The following PLCH1 variants were observed in gnomAD, a reference collection of about 807,000 sequenced individuals.
The protein encoded by PLCH1 is phospholipase C eta 1.
PLCH1 carries 60 observed loss-of-function variants against 126.7 expected under a neutral mutation model. The observed-to-expected ratio is 0.47, with a 90% CI of 0.38 to 0.59. The LOEUF is 0.59. PLCH1 is among the 20% of genes least tolerant of loss of function. The probability of loss-of-function intolerance (pLI) is 0.00; values close to 1 mark genes in which losing one functional copy is unlikely to be tolerated. For synonymous variants in PLCH1, 719 were observed against 734.9 expected (o/e 0.98, Z 0.35); for missense variants, 1,723 against 2,040.0 (o/e 0.84, Z 2.99).
At chr3:155,735,942 A>AT (rs1749151811) in intron 1 of PLCH1, among the ~76,000 whole-genome samples, 1 of 152,260 alleles carries the variant, frequency 6.6e-6, no homozygotes, top group East Asian at 1.9e-4. Context: ...GTGGGAGGTA[A>AT]TTTTTCCCTA....
chr3:155,485,414 A>C lies in PLCH1; in HGVS notation c.2916T>G (p.Ala972=). ...SMPVDRNLLG[A]LSLPVSETAK... Reference sequence around the variant, plus strand: ...CTGTTTCAGATACAGGCAGCGACAAAGCTCCCAGAAGGTTTCTGTCAACAG... The same window carrying C: ...CTGTTTCAGATACAGGCAGCGACAACGCTCCCAGAAGGTTTCTGTCAACAG... Residue 972 remains alanine (A), a synonymous_variant, in exon 22 of 23, where the codon GCT becomes GCG. Transcript: ENST00000460012. 9 of 1,610,302 alleles carry C rather than the reference A, an allele frequency of 5.6e-6. No individual in the cohort carries two copies. The highest frequency in any genetic ancestry group is 7.6e-6 in the Non-Finnish European group (9 of 1,176,696).
chr3:155,561,711 T>C (rs1727658817), intron 8 of PLCH1, among the ~76,000 whole-genome samples: 1 of 152,110 alleles, frequency 6.6e-6, no homozygotes, highest in Admixed American at 6.6e-5. Context: ...ATCGCCACAC[T>C]GACTTCCACA....
At chr3:155,660,089 T>G (rs906604898) in intron 2 of PLCH1, among the ~76,000 whole-genome samples, 3 of 152,198 alleles carry the variant, frequency 2.0e-5, no homozygotes, top group African/African-American at 7.2e-5. Flanking sequence ...GCCAGATGTC[T>G]TCTAGAATGG....
intron 8 of PLCH1, among the ~76,000 whole-genome samples, chr3:155,556,645 CT>C (rs1726854534): frequency 6.6e-6 from 1 of 152,174 alleles, no homozygotes; most frequent in Non-Finnish European, 1.5e-5. Flanking sequence ...AATCAGTAGG[CT>C]TTGGGTAAAG....
Position 155,585,403 on chromosome 3 carries a change from C to A in PLCH1, c.600+662G>T, listed in dbSNP as rs149946524. Among the ~76,000 whole-genome samples the A allele has an allele frequency of 4.1e-3, 631 of 152,294 alleles. 1 individual carries two copies. The highest frequency in any genetic ancestry group is 7.1e-3 in the Admixed American group (108 of 15,298). On this transcript the variant is annotated intron_variant, in intron 5 of 22. Coordinates refer to ENST00000460012, the MANE Select transcript of PLCH1 (RefSeq NM_014996.4). ...AATAATAGCCTGTTACAAATTAATA[C>A]TCTAGTAATTTCTAATAGCCTAACA...
intron 2 of PLCH1, among the ~76,000 whole-genome samples, chr3:155,605,140 T>A (rs989054162): frequency 2.0e-5 from 3 of 152,216 alleles, no homozygotes; most frequent in African/African-American, 7.2e-5. Context: ...CATGACCCTG[T>A]GACCCTGTAG....
chr3:155,658,298 G>T, intron 2 of PLCH1: 1 of 206,152 alleles, frequency 4.9e-6, no homozygotes, highest in Non-Finnish European at 1.0e-5. Flanking sequence ...ACTTGTGACT[G>T]GATCTCTAGT....
intron 21 of PLCH1, among the ~76,000 whole-genome samples, chr3:155,471,938 T>G (rs775379909): frequency 4.6e-4 from 68 of 148,712 alleles, no homozygotes; most frequent in Admixed American, 8.7e-4. Context: ...GTGTGTAGAG[T>G]GAAATTTATA....
intron 10 of PLCH1, among the ~76,000 whole-genome samples, chr3:155,533,893 T>C (rs1048886944): frequency 5.3e-5 from 8 of 152,206 alleles, no homozygotes; most frequent in African/African-American, 1.7e-4. Flanking sequence ...CCACATGGTG[T>C]TGAGCCTGCA....
In PLCH1 at chr3:155,485,496, T is replaced by G; in HGVS notation, c.2834A>C (p.Gln945Pro). The change falls in exon 22 of 23, where the codon CAA (glutamine) becomes CCA (proline). Residue 945 changes from glutamine to proline, a missense_variant. Coordinates refer to ENST00000460012, the MANE Select transcript of PLCH1 (RefSeq NM_014996.4). ...TGTGGTCCTCCTCAGCACGCCATCT[T>G]GATCTCTTGTGGCCTCGGACACAGA... Reference protein sequence around the residue: ...KDSVSEATRDQDGVLRRTTRS... With the variant: ...KDSVSEATRDPDGVLRRTTRS... The G allele has an allele frequency of 1.2e-6, 2 of 1,614,218 alleles. No individual in the cohort carries two copies. Among genetic ancestry groups the G allele is most frequent in the Non-Finnish European group, 1.7e-6 (2 of 1,180,022 alleles).
chr3:155,563,161 A>G (rs984808974), intron 8 of PLCH1, among the ~76,000 whole-genome samples: 4 of 152,066 alleles, frequency 2.6e-5, no homozygotes, highest in African/African-American at 9.7e-5. Context: ...GTATTGCTGA[A>G]GTCCTCAGGC....
At chr3:155,566,123 G>GTA (rs1560175377) in intron 7 of PLCH1, among the ~76,000 whole-genome samples, 3 of 132,514 alleles carry the variant, frequency 2.3e-5, no homozygotes, top group African/African-American at 8.8e-5. Flanking sequence ...ATATATATAT[G>GTA]TATATATACA....
Position 155,566,123 on chromosome 3 carries a change from G to A in PLCH1, c.866-1005C>T, listed in dbSNP as rs1370762897. Among the ~76,000 whole-genome samples the A allele has an allele frequency of 4.7e-3, 622 of 132,478 alleles. 6 individuals carry two copies. Among genetic ancestry groups the A allele is most frequent in the African/African-American group, 0.017 (591 of 34,012 alleles). 86.9% of individuals were successfully genotyped at this position (132,478 alleles called of 152,430 possible). On this transcript the variant is annotated intron_variant, in intron 7 of 22. Transcript: ENST00000460012. ...CTAATATATATATACATATATATAT[G>A]TATATATACATATATATGTATATAT...
intron 1 of PLCH1, among the ~76,000 whole-genome samples, chr3:155,732,300 C>T (rs1170375418): frequency 6.6e-6 from 1 of 151,738 alleles, no homozygotes; most frequent in African/African-American, 2.4e-5. Flanking sequence ...CAGAATTGAT[C>T]AAGAAGAAGA....
At chr3:155,620,787 T>A (rs1238404843) in intron 2 of PLCH1, among the ~76,000 whole-genome samples, 1 of 151,998 alleles carries the variant, frequency 6.6e-6, no homozygotes, top group African/African-American at 2.4e-5. Flanking sequence ...AAAAGCCCCA[T>A]CTCCCTGGGA....
chr3:155,577,315 T>C (rs1577055010), intron 6 of PLCH1, among the ~76,000 whole-genome samples: 1 of 152,184 alleles, frequency 6.6e-6, no homozygotes, highest in Admixed American at 6.5e-5. Context: ...AGGGTGAACA[T>C]TTTCATAGGT....
intron 2 of PLCH1, 117 bp from the exon 3 acceptor site, chr3:155,596,495 C>A: frequency 2.0e-5 from 14 of 700,492 alleles, no homozygotes; most frequent in African/African-American, 3.8e-5. Context: ...AGGACCAGAA[C>A]AAATTTGGTA....
chr3:155,706,611 G>A (rs529896055), intron 1 of PLCH1, among the ~76,000 whole-genome samples: 181 of 126,272 alleles, frequency 1.4e-3, no homozygotes, highest in Non-Finnish European at 2.4e-3. Context: ...CAAAGACTCC[G>A]TCTCAAAAAA....
chr3:155,727,385 G>A (rs531521338), intron 1 of PLCH1, among the ~76,000 whole-genome samples: 9 of 138,240 alleles, frequency 6.5e-5, no homozygotes, highest in East Asian at 2.2e-4. Flanking sequence ...TCCAATGTAC[G>A]AAATCCTTTT....
Sources: allele counts gnomAD v4.1 joint callset (sites outside exome capture counted in the v4.1 genomes callset), GRCh38; gene constraint gnomAD v4.1.1; transcripts MANE v1.5; gene names NCBI Gene and HGNC (gene_info 2026-07-23, HGNC 2026-07-21).